GPR146: variants seen among roughly 807,000 people sequenced by gnomAD.
The protein encoded by GPR146 is G-protein coupled receptor 146.
For missense variants in GPR146, 381 were observed against 213.9 expected, an observed-to-expected ratio of 1.78 and a Z score of -4.87; for synonymous variants, 203 against 104.3, an observed-to-expected ratio of 1.95 and a Z score of -5.77.
intron 1 of GPR146, among the ~76,000 whole-genome samples, chr7:1,053,047 A>AG (rs1338117036): frequency 2.0e-5 from 3 of 152,226 alleles, no homozygotes; most frequent in Admixed American, 2.0e-4. Flanking sequence ...CTGACGGGAA[A>AG]GAAGGCACAG....
chr7:1,055,316 C>T (rs972645875), intron 1 of GPR146: 17 of 471,184 alleles, frequency 3.6e-5, no homozygotes, highest in Middle Eastern at 3.3e-4. Context: ...CTCACACGCA[C>T]GCGCAGGCGG....
intron 1 of GPR146, among the ~76,000 whole-genome samples, chr7:1,057,173 C>A (rs1783892435): frequency 1.3e-5 from 2 of 152,166 alleles, no homozygotes; most frequent in African/African-American, 4.8e-5. Flanking sequence ...GCCCGTCCAA[C>A]CAACTCAGGA....
chr7:1,058,639 T>C lies in GPR146; in HGVS notation c.*122T>C, dbSNP rs1034904974. The C allele has an allele frequency of 4.9e-6, 3 of 613,470 alleles. No individual in the cohort carries two copies. The South Asian group carries it at 6.0e-5, about 12-fold the overall frequency. The allele number at this position is 613,470 out of a possible 1,614,324, so 38.0% of individuals were successfully genotyped here. On this transcript the variant is annotated 3_prime_UTR_variant, in exon 2 of 2. Coordinates refer to ENST00000444847, the MANE Select transcript of GPR146 (RefSeq NM_001303473.2). ...CTGGAAGAGAAGCAGGAGGGGTGTTTTTCTTGAAGTTTCCTTTTTCCCACA... is the reference window on the plus strand; with the variant it reads ...CTGGAAGAGAAGCAGGAGGGGTGTTCTTCTTGAAGTTTCCTTTTTCCCACA...
chr7:1,046,005 G>T (rs1219623422), intron 1 of GPR146, among the ~76,000 whole-genome samples: 1 of 152,250 alleles, frequency 6.6e-6, no homozygotes, highest in Non-Finnish European at 1.5e-5. Context: ...GCCCCAGTAG[G>T]CTGATGAAGA....
rs780916773 is a variant in GPR146, at chr7:1,057,738, G to T, written c.223G>T (p.Val75Leu). Residue 75 changes from valine to leucine, a missense_variant, in exon 2 of 2, where the codon GTG (valine) becomes TTG (leucine). Physicochemically the swap from Val to Leu is conservative, Grantham distance 32 (BLOSUM62 1). Transcript: ENST00000444847. Reference protein sequence around the residue: ...YFVNMAVAGLVLSALAPVHLL... With the variant: ...YFVNMAVAGLLLSALAPVHLL... Reference sequence around the variant, plus strand: ...TGTCAACATGGCAGTGGCAGGCCTGGTGCTCAGCGCCCTGGCCCCTGTGCA... The same window carrying T: ...TGTCAACATGGCAGTGGCAGGCCTGTTGCTCAGCGCCCTGGCCCCTGTGCA... The T allele has an allele frequency of 1.3e-6, 1 of 775,512 alleles. No homozygotes were observed. Among genetic ancestry groups the T allele is most frequent in the South Asian group, 1.3e-5 (1 of 74,538 alleles). 48.0% of individuals were successfully genotyped at this position (775,512 alleles called of 1,614,324 possible).
At chr7:1,046,221 G>A (rs111552077) in intron 1 of GPR146, among the ~76,000 whole-genome samples, 1,798 of 152,332 alleles carry the variant, frequency 0.012, 33 homozygotes, top group African/African-American at 0.037. Flanking sequence ...AGCTCTCACA[G>A]CCCCTAGGAT....
rs761489317 is a variant in GPR146, at chr7:1,057,844, A to G, written c.329A>G (p.Asn110Ser). 2.6e-5 allele frequency: 20 copies of G among 777,300 alleles called. No individual in the cohort carries two copies. The highest frequency in any genetic ancestry group is 1.7e-5 in the Non-Finnish European group (7 of 417,974). The allele number at this position is 777,300 out of a possible 1,614,324, so 48.2% of individuals were successfully genotyped here. ...EVHVALQIPF[N>S]VSSLVAMYST... is the part of the protein sequence containing the mutation. Reference sequence around the variant, plus strand: ...CACGTGGCACTGCAGATCCCCTTCAATGTGTCCTCACTGGTGGCCATGTAC... The same window carrying G: ...CACGTGGCACTGCAGATCCCCTTCAGTGTGTCCTCACTGGTGGCCATGTAC... Residue 110 changes from asparagine to serine, a missense_variant, in exon 2 of 2, where the codon AAT becomes AGT. Physicochemically the swap from Asn to Ser is conservative, Grantham distance 46. Coordinates refer to ENST00000444847, the MANE Select transcript of GPR146 (RefSeq NM_001303473.2).
rs2128206173 is a variant in GPR146 at position 1,058,917 on chromosome 7, A to G, written c.*400A>G. 1 of 198,444 alleles carries G rather than the reference A, an allele frequency of 5.0e-6. No individual in the cohort carries two copies. Among genetic ancestry groups the G allele is most frequent in the East Asian group, 1.4e-4 (1 of 7,376 alleles). The allele number at this position is 198,444 out of a possible 1,614,324, so 12.3% of individuals were successfully genotyped here. A position where few individuals can be genotyped will look rare whatever the true frequency, so the allele number is the denominator to read the frequency against. Reference sequence around the variant, plus strand: ...AACAGATGTTTCCTAGAAAAATGACAAATAGTAAAATGAACAAAACCCTAC... The same window carrying G: ...AACAGATGTTTCCTAGAAAAATGACGAATAGTAAAATGAACAAAACCCTAC... On this transcript the variant is annotated 3_prime_UTR_variant, in exon 2 of 2. Transcript: ENST00000444847.
In GPR146 at chr7:1,057,897, T is replaced by C. The variant is rs1219559443; in HGVS notation, c.382T>C (p.Tyr128His). ...YSTALLSLDHYIERALPRTYM... is the reference protein window; with the variant it reads ...YSTALLSLDHHIERALPRTYM... ...CACCGCCCTGCTGAGCCTCGACCAC[T>C]ACATCGAGCGTGCACTGCCGCGGAC... is the stretch of plus-strand genomic sequence containing the variant. The change falls in exon 2 of 2, where the codon TAC (tyrosine) becomes CAC (histidine). Residue 128 changes from tyrosine to histidine, a missense_variant. Physicochemically the swap from Tyr to His is moderately conservative, Grantham distance 83. Transcript: ENST00000444847. 2.6e-6 allele frequency: 2 copies of C among 776,544 alleles called. No homozygotes were observed. The highest frequency in any genetic ancestry group is 4.8e-6 in the Non-Finnish European group (2 of 418,062). 48.1% of individuals were successfully genotyped at this position (776,544 alleles called of 1,614,324 possible). A position where few individuals can be genotyped will look rare whatever the true frequency, so the allele number is the denominator to read the frequency against.
In GPR146 at chr7:1,058,470, C is replaced by T. The variant is rs201640274; in HGVS notation, c.955C>T (p.Arg319Trp). 10 of 780,288 alleles carry T rather than the reference C, an allele frequency of 1.3e-5. No homozygotes were observed. Among genetic ancestry groups the T allele is most frequent in the East Asian group, 7.3e-5 (3 of 41,256 alleles). The allele number at this position is 780,288 out of a possible 1,614,324, so 48.3% of individuals were successfully genotyped here. A position where few individuals can be genotyped will look rare whatever the true frequency, so the allele number is the denominator to read the frequency against. ...RLMKKLPCGD[R>W]HCSPDHMGVQ... ...GATGAAAAAGCTGCCCTGCGGGGAC[C>T]GGCACTGCTCCCCGGACCACATGGG... The change falls in exon 2 of 2, where the codon CGG becomes TGG. Residue 319 changes from arginine (R) to tryptophan (W), a missense_variant. Transcript: ENST00000444847.
intron 1 of GPR146, among the ~76,000 whole-genome samples, chr7:1,045,134 T>C (rs1782460018): frequency 6.6e-6 from 1 of 152,206 alleles, no homozygotes; most frequent in African/African-American, 2.4e-5. Context: ...AAAGCTTCAC[T>C]GGAAGGCAGT....
intron 1 of GPR146, among the ~76,000 whole-genome samples, chr7:1,053,536 A>G (rs1011828610): frequency 5.9e-5 from 9 of 152,166 alleles, no homozygotes; most frequent in African/African-American, 2.2e-4. Flanking sequence ...AGCCTTCAAA[A>G]TGTACACCTC....
At chr7:1,049,127 G>GCCT (rs554152190) in intron 1 of GPR146, among the ~76,000 whole-genome samples, 1 of 152,236 alleles carries the variant, frequency 6.6e-6, no homozygotes, top group African/African-American at 2.4e-5. Flanking sequence ...CCTGGGGGCT[G>GCCT]CCTCCTCCTC....
At chr7:1,057,135 T>G (rs1783885624) in intron 1 of GPR146, among the ~76,000 whole-genome samples, 1 of 152,002 alleles carries the variant, frequency 6.6e-6, no homozygotes, top group Non-Finnish European at 1.5e-5. Flanking sequence ...CACAGACATC[T>G]AGTAAACTTC....
rs201939119 is a variant in GPR146 at position 1,057,966 on chromosome 7, G to A, written c.451G>A (p.Val151Met). The change falls in exon 2 of 2, where the codon GTG (valine) becomes ATG (methionine). Residue 151 changes from valine to methionine, a missense_variant. Coordinates refer to ENST00000444847, the MANE Select transcript of GPR146 (RefSeq NM_001303473.2). ...CAACACGCGGCACGTGTGCGGCTTC[G>A]TGTGGGGTGGCGCGCTGCTGACCAG... ...VYNTRHVCGF[V>M]WGGALLTSFS... 1.0e-5 allele frequency: 8 copies of A among 771,544 alleles called. No individual in the cohort carries two copies. The highest frequency in any genetic ancestry group is 1.7e-5 in the African/African-American group (1 of 59,282). 47.8% of individuals were successfully genotyped at this position (771,544 alleles called of 1,614,324 possible).
chr7:1,050,662 G>A (rs1783021658), intron 1 of GPR146, among the ~76,000 whole-genome samples: 2 of 152,236 alleles, frequency 1.3e-5, no homozygotes, highest in African/African-American at 4.8e-5. Flanking sequence ...AGCCTAGGAA[G>A]CATCTTCCCA....
At chr7:1,057,303 C>T (rs1438697898) in intron 1 of GPR146, among the ~76,000 whole-genome samples, 189 bp from the exon 2 acceptor site, 2 of 152,180 alleles carry the variant, frequency 1.3e-5, no homozygotes, top group Admixed American at 6.5e-5. Flanking sequence ...CAGCAGCCCC[C>T]GGTCACGACC....
At chr7:1,053,640 C>T (rs1472207705) in intron 1 of GPR146, among the ~76,000 whole-genome samples, 2 of 152,146 alleles carry the variant, frequency 1.3e-5, no homozygotes, top group Admixed American at 6.5e-5. Context: ...TCAGCCTGGC[C>T]AACATGGAGA....
At position 1,059,040 on chromosome 7, in the gene GPR146, G is replaced by A. The variant is rs1055228206; in HGVS notation, c.*523G>A. The A allele has an allele frequency of 5.7e-6, 1 of 175,598 alleles. No individual in the cohort carries two copies. Among genetic ancestry groups the A allele is most frequent in the African/African-American group, 2.4e-5 (1 of 41,544 alleles). The allele number at this position is 175,598 out of a possible 1,614,324, so 10.9% of individuals were successfully genotyped here. A position where few individuals can be genotyped will look rare whatever the true frequency, so the allele number is the denominator to read the frequency against. ...TGCCGCAGTCACCACAGGGTTCTGAGAACATTTCACAGAAGTGCCTGAGAC... is the reference window on the plus strand; with the variant it reads ...TGCCGCAGTCACCACAGGGTTCTGAAAACATTTCACAGAAGTGCCTGAGAC... On this transcript the variant is annotated 3_prime_UTR_variant, in exon 2 of 2. Coordinates refer to ENST00000444847, the MANE Select transcript of GPR146 (RefSeq NM_001303473.2).
Sources: allele counts gnomAD v4.1 joint callset (sites outside exome capture counted in the v4.1 genomes callset), GRCh38; gene constraint gnomAD v4.1.1; transcripts MANE v1.5; gene names NCBI Gene and HGNC (gene_info 2026-07-23, HGNC 2026-07-21).